Variants in COL1A2 observed in about 807,000 individuals in gnomAD.
COL1A2 encodes collagen alpha-2(I) chain.
A neutral mutation model predicts 174.3 loss-of-function variants in COL1A2; 49 were observed. That is an observed-to-expected ratio of 0.28 (90% CI 0.22 to 0.36). The LOEUF is 0.36. Ranked by LOEUF, COL1A2 falls within the 10% of genes least tolerant of loss-of-function variation. The pLI is 1.00. For synonymous variants in COL1A2, 655 were observed against 606.6 expected (o/e 1.08, Z -1.17); for missense variants, 1,438 against 1,822.7 (o/e 0.79, Z 3.84).
intron 19 of COL1A2, 48 bp downstream of exon 19, chr7:94,409,869 G>T: frequency 6.5e-7 from 1 of 1,546,890 alleles, no homozygotes; most frequent in Admixed American, 1.7e-5. Flanking sequence ...TACCACCTCT[G>T]CCATCATTTC....
In COL1A2 at chr7:94,412,568, A is replaced by C; in HGVS notation, c.1405-16A>C. On this transcript the variant is annotated splice_polypyrimidine_tract_variant and intron_variant, in intron 24 of 51. Coordinates refer to ENST00000297268, the MANE Select transcript of COL1A2 (RefSeq NM_000089.4). ...TATGTTGACACTGAGTAAACTTGAAATAACTCTGCTTTCAGGGCCTCCCTG... is the reference window on the plus strand; with the variant it reads ...TATGTTGACACTGAGTAAACTTGAACTAACTCTGCTTTCAGGGCCTCCCTG... 2 of 1,607,460 alleles carry C rather than the reference A, an allele frequency of 1.2e-6. No homozygotes were observed. Among genetic ancestry groups the C allele is most frequent in the Non-Finnish European group, 8.5e-7 (1 of 1,174,952 alleles).
At position 94,425,846 on chromosome 7, in the gene COL1A2, C is replaced by A. The variant is rs145633247; in HGVS notation, c.2932C>A (p.Arg978Ser). 3 of 1,610,366 alleles carry A rather than the reference C, an allele frequency of 1.9e-6. No individual in the cohort carries two copies. Among genetic ancestry groups the A allele is most frequent in the Non-Finnish European group, 2.5e-6 (3 of 1,178,270 alleles). ...GGGTCCTGCTGGCAAACATGGAAAC[C>A]GTGGTGAAACTGTAAGTTTGTGAAT... ...PVGPAGKHGNRGETGPSGPVG... is the reference protein window; with the variant it reads ...PVGPAGKHGNSGETGPSGPVG... Residue 978 changes from arginine to serine, a missense_variant, in exon 44 of 52, where the codon CGT becomes AGT. By Grantham distance (110) the Arg-to-Ser change is moderately radical. Around this residue, in one of 3 missense-constraint regions of COL1A2, gnomAD observed 867 missense variants for 1,213.7 expected, o/e 0.71. Transcript: ENST00000297268.
intron 16 of COL1A2, 109 bp from the exon 17 acceptor site, chr7:94,409,213 T>C: frequency 9.9e-7 from 1 of 1,015,054 alleles, no homozygotes; most frequent in Non-Finnish European, 1.6e-6. Context: ...GAAAAATAAT[T>C]GCAATTTTGA....
chr7:94,408,479 T>A, intron 15 of COL1A2, 99 bp downstream of exon 15: 1 of 1,379,198 alleles, frequency 7.3e-7, no homozygotes, highest in Non-Finnish European at 1.0e-6. Context: ...TTTCAGACAC[T>A]TTACCAAATG....
chr7:94,405,026 T>G, intron 9 of COL1A2, 134 bp downstream of exon 9: 1 of 1,159,890 alleles, frequency 8.6e-7, no homozygotes, highest in Non-Finnish European at 1.3e-6. Context: ...ATGGGAAATA[T>G]TATTTTAATG....
chr7:94,402,837 G>A (rs1791714356), intron 6 of COL1A2, among the ~76,000 whole-genome samples: 1 of 152,110 alleles, frequency 6.6e-6, no homozygotes, highest in African/African-American at 2.4e-5. Flanking sequence ...ATGTTCTGCT[G>A]GAGCTAATGG....
At chr7:94,427,576 C>T (rs376454971) in intron 48 of COL1A2, 51 bp from the exon 49 acceptor site, 5 of 1,606,870 alleles carry the variant, frequency 3.1e-6, no homozygotes, top group African/African-American at 2.7e-5. Flanking sequence ...ATGGATGTCT[C>T]TCACTGTAAC....
At chr7:94,420,712 ATCCG>A in intron 37 of COL1A2, 64 bp downstream of exon 37, 2 of 1,398,078 alleles carry the variant, frequency 1.4e-6, no homozygotes, top group Non-Finnish European at 2.0e-6. Context: ...TTAAATATAT[ATCCG>A]TCAAGTGCCT....
chr7:94,403,776 C>T (rs1284668356), intron 6 of COL1A2, among the ~76,000 whole-genome samples: 2 of 152,074 alleles, frequency 1.3e-5, no homozygotes, highest in Non-Finnish European at 2.9e-5. Context: ...AGGAACAGAC[C>T]CTACGGATGA....
At chr7:94,403,908 T>C (rs1421898754) in intron 6 of COL1A2, among the ~76,000 whole-genome samples, 1 of 152,208 alleles carries the variant, frequency 6.6e-6, no homozygotes, top group Non-Finnish European at 1.5e-5. Flanking sequence ...AAAACAATCT[T>C]CCATCATTTG....
In COL1A2 at chr7:94,430,687, A is replaced by G. The variant is rs1292307717; in HGVS notation, c.*294A>G. The G allele has an allele frequency of 7.9e-6, 3 of 379,060 alleles. No individual in the cohort carries two copies. The highest frequency in any genetic ancestry group is 6.2e-5 in the African/African-American group (3 of 48,038). 23.5% of individuals were successfully genotyped at this position (379,060 alleles called of 1,614,324 possible). A position where few individuals can be genotyped will look rare whatever the true frequency, so the allele number is the denominator to read the frequency against. ...AACCAAAATAAAAATTGAAAAATAAAAACCATAAACATTTGCACCACTTGT... is the reference window on the plus strand; with the variant it reads ...AACCAAAATAAAAATTGAAAAATAAGAACCATAAACATTTGCACCACTTGT... On this transcript the variant is annotated 3_prime_UTR_variant, in exon 52 of 52. Transcript: ENST00000297268.
intron 38 of COL1A2, 108 bp from the exon 39 acceptor site, chr7:94,421,791 T>C (rs1310515278): frequency 3.6e-6 from 2 of 556,148 alleles, no homozygotes; most frequent in East Asian, 4.3e-5. Flanking sequence ...TACTCCTTGG[T>C]CTATTCCTGG....
At position 94,417,706 on chromosome 7, in the gene COL1A2, A is replaced by G. The variant is rs762415740; in HGVS notation, c.1864-18A>G. Reference sequence around the variant, plus strand: ...TTCTTTCTCCACTAAAATTGATTTCACATGTGTTTGACTCAAGGGTGAACC... The same window carrying G: ...TTCTTTCTCCACTAAAATTGATTTCGCATGTGTTTGACTCAAGGGTGAACC... On this transcript the variant is annotated intron_variant, in intron 31 of 51. Transcript: ENST00000297268. 49 of 1,564,350 alleles carry G rather than the reference A, an allele frequency of 3.1e-5. No individual in the cohort carries two copies. Among genetic ancestry groups the G allele is most frequent in the Non-Finnish European group, 4.2e-5 (48 of 1,150,650 alleles).
At chr7:94,419,413 A>G in intron 33 of COL1A2, 85 bp from the exon 34 acceptor site, 2 of 1,471,046 alleles carry the variant, frequency 1.4e-6, no homozygotes, top group South Asian at 2.3e-5. Context: ...CAGTCACTGT[A>G]TAAGCACAGA....
Position 94,400,333 on chromosome 7 carries a change from AAAG to A in COL1A2, c.225+49_225+51del, listed in dbSNP as rs1584313629. ...GCTAACTTTTAGCTAACTTCAGTTG[AAAG>A]AAGGTTTATTGTGGAATTTATTTTT... On this transcript the variant is annotated intron_variant, in intron 5 of 51. Coordinates refer to ENST00000297268, the MANE Select transcript of COL1A2 (RefSeq NM_000089.4). The A allele has an allele frequency of 3.3e-6, 5 of 1,504,828 alleles. No individual in the cohort carries two copies. The South Asian group carries it at 3.4e-5, about 10-fold the overall frequency. The allele number at this position is 1,504,828 out of a possible 1,614,324, so 93.2% of individuals were successfully genotyped here. A position where few individuals can be genotyped will look rare whatever the true frequency, so the allele number is the denominator to read the frequency against.
chr7:94,401,439 C>A (rs913923487), intron 5 of COL1A2, 128 bp from the exon 6 acceptor site: 1 of 331,770 alleles, frequency 3.0e-6, no homozygotes, highest in Non-Finnish European at 4.9e-6. Context: ...ATAATTATAT[C>A]AAAAACATTG....
At chr7:94,400,151 T>C (rs1458557881) in intron 4 of COL1A2, 45 bp from the exon 5 acceptor site, 4 of 1,572,956 alleles carry the variant, frequency 2.5e-6, no homozygotes, top group South Asian at 2.2e-5. Context: ...CTTAGGTTTC[T>C]ACAGGGCCTG....
At chr7:94,418,259 T>C (rs895822090) in intron 32 of COL1A2, among the ~76,000 whole-genome samples, 1 of 152,146 alleles carries the variant, frequency 6.6e-6, no homozygotes, top group African/African-American at 2.4e-5. Context: ...TTCAGGAGAG[T>C]GTACGGAAAT....
chr7:94,415,954 CTG>C (rs922464262), intron 30 of COL1A2, among the ~76,000 whole-genome samples: 3 of 151,918 alleles, frequency 2.0e-5, no homozygotes, highest in Admixed American at 1.3e-4. Context: ...AATATTGTAA[CTG>C]TTATATCATT....
Sources: allele counts gnomAD v4.1 joint callset (sites outside exome capture counted in the v4.1 genomes callset), GRCh38; gene constraint gnomAD v4.1.1; regional missense constraint gnomAD v4.1.1; transcripts MANE v1.5; gene names NCBI Gene and HGNC (gene_info 2026-07-23, HGNC 2026-07-21).